DYNC2H1: variants seen among roughly 807,000 people sequenced by gnomAD.
DYNC2H1 encodes cytoplasmic dynein 2 heavy chain 1.
A neutral mutation model predicts 570.0 loss-of-function variants in DYNC2H1; 410 were observed. That is an observed-to-expected ratio of 0.72 (90% CI 0.66 to 0.78). The LOEUF (loss-of-function observed/expected upper bound fraction) is 0.78, where lower values mean the gene tolerates loss of function less well. Among genes scored for constraint, DYNC2H1 ranks in the 30% least tolerant of loss-of-function variants. The probability of loss-of-function intolerance (pLI) is 0.00; values close to 1 mark genes in which losing one functional copy is unlikely to be tolerated. For missense variants in DYNC2H1, 4,865 were observed against 5,046.4 expected (o/e 0.96, Z 1.09); for synonymous variants, 1,688 against 1,677.6 (o/e 1.01, Z -0.15).
chr11:103,172,119 C>G (rs1187637807), intron 34 of DYNC2H1, among the ~76,000 whole-genome samples: 2 of 152,058 alleles, frequency 1.3e-5, no homozygotes, highest in Non-Finnish European at 2.9e-5. Flanking sequence ...AAGACCAGTT[C>G]TAAATTGTTA....
intron 47 of DYNC2H1, among the ~76,000 whole-genome samples, chr11:103,192,796 G>A (rs1485745090): frequency 5.3e-5 from 8 of 152,220 alleles, no homozygotes; most frequent in South Asian, 2.1e-4. Context: ...GAAAACTATC[G>A]TGGGAGTAAT....
intron 84 of DYNC2H1, among the ~76,000 whole-genome samples, chr11:103,420,959 T>C (rs1297553468): frequency 2.6e-5 from 4 of 152,114 alleles, no homozygotes; most frequent in Non-Finnish European, 5.9e-5. Flanking sequence ...TAAGGCCCAT[T>C]GGTATGCTGT....
chr11:103,152,009 C>T lies in DYNC2H1; in HGVS notation c.2947-127C>T, dbSNP rs571067793. ...TCAGAATATATAGGAATTTAACAAA[C>T]TGTTTAAATGCAAAAATCTTAATTT... On this transcript the variant is annotated intron_variant, in intron 20 of 88. Transcript: ENST00000375735. The T allele has an allele frequency of 1.5e-5, 16 of 1,069,578 alleles. No homozygotes were observed. In the South Asian group the frequency reaches 2.6e-4, roughly 17 times the overall value. The allele number at this position is 1,069,578 out of a possible 1,614,324, so 66.3% of individuals were successfully genotyped here. A position where few individuals can be genotyped will look rare whatever the true frequency, so the allele number is the denominator to read the frequency against.
chr11:103,227,487 G>A (rs1001747725), intron 59 of DYNC2H1, among the ~76,000 whole-genome samples: 4 of 152,198 alleles, frequency 2.6e-5, no homozygotes, highest in Admixed American at 6.5e-5. Flanking sequence ...TATTTGCATC[G>A]TTTTGAAGGT....
intron 82 of DYNC2H1, among the ~76,000 whole-genome samples, chr11:103,357,935 G>A (rs1465722808): frequency 6.6e-6 from 1 of 152,146 alleles, no homozygotes; most frequent in Non-Finnish European, 1.5e-5. Flanking sequence ...GGGTGTCTGA[G>A]CAAGACCCTG....
chr11:103,405,843 A>C (rs1422212045), intron 84 of DYNC2H1: 1 of 151,974 alleles, frequency 6.6e-6, no homozygotes, highest in East Asian at 1.9e-4. Flanking sequence ...ACGTAAGTGA[A>C]AAAAAGGTAA....
intron 82 of DYNC2H1, among the ~76,000 whole-genome samples, chr11:103,336,353 GT>G (rs1398943647): frequency 1.3e-5 from 2 of 151,972 alleles, no homozygotes; most frequent in African/African-American, 4.8e-5. Context: ...ATTAACTATA[GT>G]TTCCCTGTTG....
chr11:103,450,429 A>G (rs753865059), intron 85 of DYNC2H1, among the ~76,000 whole-genome samples: 3 of 152,232 alleles, frequency 2.0e-5, no homozygotes, highest in Non-Finnish European at 4.4e-5. Flanking sequence ...GGTAGGTCAC[A>G]TTCTGTGCCA....
intron 84 of DYNC2H1, among the ~76,000 whole-genome samples, chr11:103,431,310 T>G (rs1213185861): frequency 3.3e-5 from 5 of 152,024 alleles, no homozygotes; most frequent in Admixed American, 2.0e-4. Context: ...AATACCTAAT[T>G]ATCTTACATT....
chr11:103,391,981 A>G (rs1385165206), intron 83 of DYNC2H1, among the ~76,000 whole-genome samples: 1 of 152,134 alleles, frequency 6.6e-6, no homozygotes, highest in Admixed American at 6.5e-5. Flanking sequence ...CTGTTCTCAG[A>G]TCTCAAACTC....
At chr11:103,468,756 G>C (rs12285213) in intron 88 of DYNC2H1, 51 bp downstream of exon 88, 1 of 1,359,976 alleles carries the variant, frequency 7.4e-7, no homozygotes, top group African/African-American at 1.5e-5. Flanking sequence ...TTCTCTCTTA[G>C]ATTTTATCTT....
chr11:103,148,433 C>G (rs2134854727), intron 19 of DYNC2H1, 57 bp from the exon 20 acceptor site: 1 of 1,502,180 alleles, frequency 6.7e-7, no homozygotes, highest in East Asian at 2.5e-5. Flanking sequence ...AATTATGTAA[C>G]TTAGTATTTT....
chr11:103,414,358 C>T (rs1199460678), intron 84 of DYNC2H1, among the ~76,000 whole-genome samples: 4 of 152,066 alleles, frequency 2.6e-5, no homozygotes, highest in African/African-American at 4.8e-5. Flanking sequence ...CAGTGGCTCA[C>T]GCCTGTAATC....
intron 85 of DYNC2H1, among the ~76,000 whole-genome samples, chr11:103,444,157 A>G (rs974426808): frequency 6.6e-6 from 1 of 151,648 alleles, no homozygotes; most frequent in African/African-American, 2.4e-5. Flanking sequence ...TCTTGCTATT[A>G]TAATCTAATA....
rs949932811 is a variant in DYNC2H1, at chr11:103,154,396, A to T, written c.3303-55A>T. 5 of 1,407,546 alleles carry T rather than the reference A, an allele frequency of 3.6e-6. No individual in the cohort carries two copies. In the South Asian group the frequency reaches 5.7e-5, roughly 16 times the overall value. 87.2% of individuals were successfully genotyped at this position (1,407,546 alleles called of 1,614,324 possible). On this transcript the variant is annotated intron_variant, in intron 22 of 88. Transcript: ENST00000375735. Reference sequence around the variant, plus strand: ...CAGTTAAGTAACTTAATGATACTTAACAGTATCAATATTTCTGTTTTTAAA... The same window carrying T: ...CAGTTAAGTAACTTAATGATACTTATCAGTATCAATATTTCTGTTTTTAAA...
intron 65 of DYNC2H1, among the ~76,000 whole-genome samples, chr11:103,251,795 A>G (rs917385608): frequency 2.0e-5 from 3 of 152,066 alleles, no homozygotes; most frequent in African/African-American, 7.2e-5. Flanking sequence ...GGCCTACTTT[A>G]CTTTGTATAA....
At chr11:103,329,188 A>G (rs115470566) in intron 82 of DYNC2H1, among the ~76,000 whole-genome samples, 1,964 of 152,036 alleles carry the variant, frequency 0.013, 45 homozygotes, top group African/African-American at 0.045. Context: ...GGAAATATCT[A>G]TGATTAACAC....
chr11:103,445,169 G>A (rs1317006598), intron 85 of DYNC2H1, among the ~76,000 whole-genome samples: 3 of 152,170 alleles, frequency 2.0e-5, no homozygotes, highest in Admixed American at 1.3e-4. Context: ...TTGATGGAAT[G>A]TAATGATTTC....
At chr11:103,367,049 A>C (rs1215762547) in intron 83 of DYNC2H1, among the ~76,000 whole-genome samples, 1 of 152,172 alleles carries the variant, frequency 6.6e-6, no homozygotes, top group Non-Finnish European at 1.5e-5. Context: ...ATTAAATTGC[A>C]TATTAAGCAA....
Sources: allele counts gnomAD v4.1 joint callset (sites outside exome capture counted in the v4.1 genomes callset), GRCh38; gene constraint gnomAD v4.1.1; transcripts MANE v1.5; gene names NCBI Gene and HGNC (gene_info 2026-07-23, HGNC 2026-07-21).